PRKCE: variants seen among roughly 807,000 people sequenced by gnomAD.
PRKCE encodes the protein protein kinase C epsilon type.
In PRKCE, 16 loss-of-function variants were observed where a neutral mutation model predicts 85.4. That is an observed-to-expected ratio of 0.19 (90% CI 0.13 to 0.28). The LOEUF is 0.28. Among genes scored for constraint, PRKCE ranks in the 10% least tolerant of loss-of-function variants. The pLI, the probability that PRKCE is intolerant of heterozygous loss-of-function variation, is 1.00. For missense variants in PRKCE, 573 were observed against 975.2 expected (o/e 0.59, Z 5.49); for synonymous variants, 388 against 371.5 (o/e 1.04, Z -0.51).
At chr2:45,740,389 A>G (rs1421315079) in intron 1 of PRKCE, among the ~76,000 whole-genome samples, 4 of 152,318 alleles carry the variant, frequency 2.6e-5, no homozygotes, top group South Asian at 2.1e-4. Flanking sequence ...TGTAGCAAGA[A>G]TGATCCTTCC....
intron 4 of PRKCE, 108 bp downstream of exon 4, chr2:45,979,118 C>A: frequency 2.0e-6 from 2 of 1,007,718 alleles, no homozygotes; most frequent in South Asian, 1.4e-5. Flanking sequence ...AGGCTCTCCA[C>A]AGCTTGCATG....
intron 7 of PRKCE, among the ~76,000 whole-genome samples, chr2:46,002,609 G>A (rs1187906211): frequency 1.8e-4 from 28 of 152,186 alleles, no homozygotes; most frequent in Admixed American, 1.8e-3. Context: ...TGCAAGGGTT[G>A]CAGAAAAAAT....
At chr2:45,865,815 C>CTTCTTCTTCTTTTTTT (rs779577778) in intron 2 of PRKCE, among the ~76,000 whole-genome samples, 4 of 133,668 alleles carry the variant, frequency 3.0e-5, no homozygotes, top group Admixed American at 7.6e-5. Flanking sequence ...TCTTCTTCTT[C>CTTCTTCTTCTTTTTTT]TTTTTTTTTT....
intron 2 of PRKCE, among the ~76,000 whole-genome samples, chr2:45,854,888 C>T (rs1373886258): frequency 1.3e-5 from 2 of 152,084 alleles, no homozygotes; most frequent in African/African-American, 2.4e-5. Context: ...ACAAGGGTTA[C>T]AAGGAGTTAT....
At chr2:45,864,567 T>C (rs1272491035) in intron 2 of PRKCE, among the ~76,000 whole-genome samples, 9 of 152,230 alleles carry the variant, frequency 5.9e-5, no homozygotes, top group Non-Finnish European at 2.9e-5. Flanking sequence ...AAGGGCTTAA[T>C]GTCTTACACA....
In PRKCE at chr2:45,871,632, G is replaced by C. The variant is rs750692881; in HGVS notation, c.412+28569G>C. Reference sequence around the variant, plus strand: ...ATGGGATTCAGGTAAACAGCTGAAGGGTTTACATGGGATTAAGTTTTACAA... The same window carrying C: ...ATGGGATTCAGGTAAACAGCTGAAGCGTTTACATGGGATTAAGTTTTACAA... On this transcript the variant is annotated intron_variant, in intron 2 of 14. Transcript: ENST00000306156. 4.1e-4 allele frequency among the ~76,000 whole-genome samples: 62 copies of C among 152,200 alleles called. 1 individual carries two copies. Among genetic ancestry groups the C allele is most frequent in the Non-Finnish European group, 2.1e-4 (14 of 68,032 alleles).
At chr2:46,181,634 A>G (rs1034538004) in intron 14 of PRKCE, among the ~76,000 whole-genome samples, 1 of 152,210 alleles carries the variant, frequency 6.6e-6, no homozygotes, top group Non-Finnish European at 1.5e-5. Context: ...TAGCTTTACC[A>G]CTATGCTCAG....
At chr2:45,815,431 C>T (rs1165557192) in intron 1 of PRKCE, among the ~76,000 whole-genome samples, 1 of 152,156 alleles carries the variant, frequency 6.6e-6, no homozygotes, top group Non-Finnish European at 1.5e-5. Context: ...CATTCTCTCC[C>T]CTGATTGTGT....
At chr2:46,165,239 C>T (rs73929403) in intron 14 of PRKCE, among the ~76,000 whole-genome samples, 10,536 of 152,282 alleles carry the variant, frequency 0.069, 383 homozygotes, top group Middle Eastern at 0.15. Context: ...AGCTCTCTTA[C>T]GTACTCTCCC....
intron 11 of PRKCE, among the ~76,000 whole-genome samples, chr2:46,097,080 G>C (rs73926187): frequency 6.6e-6 from 1 of 152,054 alleles, no homozygotes; most frequent in Admixed American, 6.6e-5. Flanking sequence ...CTCTTTTACA[G>C]GCTAAGGGCC....
chr2:46,162,255 T>C (rs751784313), intron 14 of PRKCE, among the ~76,000 whole-genome samples: 6 of 152,120 alleles, frequency 3.9e-5, no homozygotes, highest in African/African-American at 7.2e-5. Context: ...CTTTCTGTCC[T>C]TGGGCCTCTT....
At chr2:45,890,078 T>C (rs1294083397) in intron 2 of PRKCE, among the ~76,000 whole-genome samples, 1 of 152,246 alleles carries the variant, frequency 6.6e-6, no homozygotes, top group African/African-American at 2.4e-5. Flanking sequence ...CAATTACTTA[T>C]CACCATTACC....
chr2:45,708,575 A>T (rs1382504679), intron 1 of PRKCE, among the ~76,000 whole-genome samples: 1 of 152,160 alleles, frequency 6.6e-6, no homozygotes, highest in African/African-American at 2.4e-5. Flanking sequence ...GCCTTCCACC[A>T]TGATGGTGAG....
chr2:46,032,639 A>G (rs182496577), intron 10 of PRKCE, among the ~76,000 whole-genome samples: 352 of 152,324 alleles, frequency 2.3e-3, no homozygotes, highest in South Asian at 3.3e-3. Flanking sequence ...ATGCCCAGGC[A>G]ACAATGGTGT....
At chr2:45,809,248 C>G (rs1311338394) in intron 1 of PRKCE, among the ~76,000 whole-genome samples, 1 of 152,170 alleles carries the variant, frequency 6.6e-6, no homozygotes, top group Non-Finnish European at 1.5e-5. Context: ...TGCATTAGAA[C>G]CTGGACAACT....
rs542708450 is a variant in PRKCE at position 45,697,745 on chromosome 2, G to A, written c.348+45297G>A. 2.2e-4 allele frequency among the ~76,000 whole-genome samples: 34 copies of A among 152,192 alleles called. No individual in the cohort carries two copies. Among genetic ancestry groups the A allele is most frequent in the African/African-American group, 7.7e-4 (32 of 41,532 alleles). On this transcript the variant is annotated intron_variant, in intron 1 of 14. Coordinates refer to ENST00000306156, the MANE Select transcript of PRKCE (RefSeq NM_005400.3). The surrounding 1 kb of genome is among the most constrained non-coding windows in gnomAD (Gnocchi z 4.2). ...TTCACAGCCCCTCTCTTACTTTGAG[G>A]TTCCCATTTCCAGACTGAAAGGACA...
chr2:46,095,055 G>A (rs1212026595), intron 11 of PRKCE, among the ~76,000 whole-genome samples: 2 of 152,124 alleles, frequency 1.3e-5, no homozygotes, highest in South Asian at 2.1e-4. Context: ...AGAAAATTAA[G>A]CCCTTCAGTT....
intron 10 of PRKCE, among the ~76,000 whole-genome samples, chr2:46,021,069 A>G (rs78619746): frequency 0.014 from 2,159 of 152,184 alleles, 20 homozygotes; most frequent in Middle Eastern, 0.048. Flanking sequence ...GAGAAGGGCC[A>G]CTGTGGAACA....
At position 45,763,464 on chromosome 2, in the gene PRKCE, C is replaced by T. The variant is rs188694887; in HGVS notation, c.349-79536C>T. ...TTCATCCTCACCATCTGGACCTAGA[C>T]CTAATGTTGTGCAGCCTAGTACAGG... On this transcript the variant is annotated intron_variant, in intron 1 of 14. Transcript: ENST00000306156. Among the ~76,000 whole-genome samples the T allele has an allele frequency of 1.4e-3, 210 of 152,276 alleles. 1 individual carries two copies. Among genetic ancestry groups the T allele is most frequent in the Admixed American group, 5.2e-3 (80 of 15,306 alleles).
Sources: gnomAD v4.1 joint callset for allele counts (sites outside exome capture counted in the v4.1 genomes callset) on GRCh38, gnomAD v4.1.1 for gene constraint, Gnocchi (gnomAD v3.1) non-coding constraint, MANE v1.5 for transcripts, NCBI Gene and HGNC (gene_info 2026-07-23, HGNC 2026-07-21) for gene names.